TRPM6: variants seen among roughly 807,000 people sequenced by gnomAD.
TRPM6 encodes the protein transient receptor potential cation channel subfamily M member 6, also known as channel kinase 2.
Under a neutral mutation model 247.6 loss-of-function variants are expected in TRPM6, and 111 were observed. The observed-to-expected ratio is 0.45, with a 90% CI of 0.38 to 0.52. The LOEUF is 0.52. TRPM6 is among the 20% of genes least tolerant of loss of function. The pLI, the probability that TRPM6 is intolerant of heterozygous loss-of-function variation, is 0.00. For missense variants in TRPM6, 2,126 were observed against 2,421.5 expected (o/e 0.88, Z 2.56); for synonymous variants, 892 against 853.8 (o/e 1.04, Z -0.78).
At position 74,742,337 on chromosome 9, in the gene TRPM6, G is replaced by A. The variant is rs572463241; in HGVS notation, c.5200+224C>T. ...CAATATTATTGCTTTCTTCCCAACT[G>A]CTGCTCATTATAGGTCTTATTCCCA... On this transcript the variant is annotated intron_variant, in intron 33 of 38. Transcript: ENST00000360774. Among the ~76,000 whole-genome samples the A allele has an allele frequency of 7.2e-5, 11 of 152,222 alleles. No homozygotes were observed. In the East Asian group the frequency reaches 1.9e-3, roughly 27 times the overall value.
chr9:74,780,405 G>A (rs1827392954), intron 23 of TRPM6, among the ~76,000 whole-genome samples: 1 of 151,358 alleles, frequency 6.6e-6, no homozygotes, highest in Admixed American at 6.6e-5. Flanking sequence ...AGTGAGCTGA[G>A]ATCGTGCCAT....
chr9:74,734,273 G>C (rs1216970746), intron 36 of TRPM6, among the ~76,000 whole-genome samples: 1 of 152,110 alleles, frequency 6.6e-6, no homozygotes. Context: ...CTTGTGGGAA[G>C]ATTATTTTAA....
chr9:74,839,097 C>T (rs1197173359), intron 5 of TRPM6, among the ~76,000 whole-genome samples: 4 of 134,548 alleles, frequency 3.0e-5, no homozygotes, highest in Non-Finnish European at 4.6e-5. Context: ...GTGACAAGAG[C>T]GAGACTTCAT....
intron 25 of TRPM6, among the ~76,000 whole-genome samples, chr9:74,769,116 C>G (rs1224344024): frequency 6.6e-6 from 1 of 152,168 alleles, no homozygotes. Flanking sequence ...TTAATCCTCA[C>G]AGCATCTCTA....
chr9:74,840,311 C>G, intron 4 of TRPM6, 74 bp from the exon 5 acceptor site: 1 of 1,103,912 alleles, frequency 9.1e-7, no homozygotes, highest in Non-Finnish European at 1.4e-6. Flanking sequence ...AATGAGCACA[C>G]AGCAGGGCAA....
intron 1 of TRPM6, among the ~76,000 whole-genome samples, chr9:74,881,823 C>A (rs1234853525): frequency 6.6e-6 from 1 of 152,056 alleles, no homozygotes; most frequent in African/African-American, 2.4e-5. Context: ...GCTATAGTAA[C>A]CAAAACAGCA....
chr9:74,881,930 A>T (rs1163105624), intron 1 of TRPM6, among the ~76,000 whole-genome samples: 1 of 152,210 alleles, frequency 6.6e-6, no homozygotes, highest in Non-Finnish European at 1.5e-5. Context: ...TGACAAAGGC[A>T]TCAAGAACAT....
rs1828347112 is a variant in TRPM6, at chr9:74,801,766, T to C, written c.2009+132A>G. On this transcript the variant is annotated intron_variant, in intron 16 of 38. Transcript: ENST00000360774. ...TCCTTAGAATACCTGAAGACCCTTT[T>C]AACAGGAGAGTCCATAAAATGCATG... 3 of 1,141,782 alleles carry C rather than the reference T, an allele frequency of 2.6e-6. No individual in the cohort carries two copies. The East Asian group carries it at 7.4e-5, about 28-fold the overall frequency. 70.7% of individuals were successfully genotyped at this position (1,141,782 alleles called of 1,614,324 possible). A position where few individuals can be genotyped will look rare whatever the true frequency, so the allele number is the denominator to read the frequency against.
intron 17 of TRPM6, among the ~76,000 whole-genome samples, chr9:74,797,501 T>C (rs1009238160): frequency 6.6e-6 from 1 of 152,228 alleles, no homozygotes; most frequent in African/African-American, 2.4e-5. Context: ...TAAATAGTTG[T>C]ACTATATTGA....
At position 74,758,104 on chromosome 9, in the gene TRPM6, C is replaced by T. The variant is rs761326187; in HGVS notation, c.4786-2631G>A. 6.6e-4 allele frequency among the ~76,000 whole-genome samples: 101 copies of T among 152,190 alleles called. 3 individuals carry two copies. The highest frequency in any genetic ancestry group is 1.8e-4 in the Non-Finnish European group (12 of 67,996). On this transcript the variant is annotated intron_variant, in intron 27 of 38. Transcript: ENST00000360774. The stretch of plus-strand genomic sequence containing the variant: ...AAAAAAGCTCATTCAAGAAGAATTA[C>T]ATAACCTAAATAGCTCTATATCTAT...
chr9:74,854,456 A>G (rs2118330088), intron 3 of TRPM6, among the ~76,000 whole-genome samples: 1 of 152,280 alleles, frequency 6.6e-6, no homozygotes, highest in South Asian at 2.1e-4. Flanking sequence ...TACTTTCAGT[A>G]GCAAACACCG....
rs552083968 is a variant in TRPM6 at position 74,779,472 on chromosome 9, T to A, written c.3209+2890A>T. ...AACAACACAGCAGTCACTTTTTTTT[T>A]AAAAGAATTTTGATTTACTTTGCTG... On this transcript the variant is annotated intron_variant, in intron 23 of 38. Transcript: ENST00000360774. Among the ~76,000 whole-genome samples, 65 of 152,320 alleles carry A rather than the reference T, an allele frequency of 4.3e-4. 1 individual carries two copies. The highest frequency in any genetic ancestry group is 3.9e-3 in the South Asian group (19 of 4,822).
intron 16 of TRPM6, among the ~76,000 whole-genome samples, chr9:74,800,906 T>TG (rs1308660505): frequency 6.3e-5 from 9 of 143,672 alleles, no homozygotes; most frequent in East Asian, 4.1e-4. Flanking sequence ...TAAAGTGTGT[T>TG]TTTTTTTTTT....
chr9:74,844,394 T>C (rs1830042876), intron 3 of TRPM6, among the ~76,000 whole-genome samples: 1 of 152,246 alleles, frequency 6.6e-6, no homozygotes, highest in African/African-American at 2.4e-5. Flanking sequence ...ACCTCATCAA[T>C]AATCTTAGCT....
At chr9:74,812,850 A>C (rs1415956468) in intron 11 of TRPM6, among the ~76,000 whole-genome samples, 1 of 152,222 alleles carries the variant, frequency 6.6e-6, no homozygotes, top group East Asian at 1.9e-4. Flanking sequence ...TGAATGCATC[A>C]CTACACTCCA....
rs946952650 is a variant in TRPM6 at position 74,736,964 on chromosome 9, TTG to T, written c.5776+1441_5776+1442del. On this transcript the variant is annotated intron_variant, in intron 36 of 38. Coordinates refer to ENST00000360774, the MANE Select transcript of TRPM6 (RefSeq NM_017662.5). Reference sequence around the variant, plus strand: ...AAAGTTTTTCTTTCGTTGTTTTTTTTTGTGTGTGTGTTTCTGTTTTTCCTTTT... The same window carrying T: ...AAAGTTTTTCTTTCGTTGTTTTTTTTTGTGTGTGTTTCTGTTTTTCCTTTT... 2.0e-5 allele frequency among the ~76,000 whole-genome samples: 3 copies of T among 152,188 alleles called. No individual in the cohort carries two copies. The East Asian group carries it at 5.8e-4, about 29-fold the overall frequency.
At chr9:74,741,445 A>G (rs533553487) in intron 33 of TRPM6, among the ~76,000 whole-genome samples, 32 of 152,244 alleles carry the variant, frequency 2.1e-4, no homozygotes, top group African/African-American at 7.7e-4. Context: ...GCTCAGTAAC[A>G]ACTTTTCAAA....
chr9:74,734,512 T>C (rs980688982), intron 36 of TRPM6, among the ~76,000 whole-genome samples: 5 of 152,130 alleles, frequency 3.3e-5, no homozygotes, highest in Non-Finnish European at 7.4e-5. Flanking sequence ...TCCCTTAATC[T>C]CTTTGAACCT....
intron 1 of TRPM6, among the ~76,000 whole-genome samples, chr9:74,860,636 G>A (rs1443657901): frequency 6.6e-6 from 1 of 152,134 alleles, no homozygotes. Context: ...TGGGATAACA[G>A]GCATGAGCCA....
Sources: allele counts gnomAD v4.1 joint callset (sites outside exome capture counted in the v4.1 genomes callset), GRCh38; gene constraint gnomAD v4.1.1; transcripts MANE v1.5; gene names NCBI Gene and HGNC (gene_info 2026-07-23, HGNC 2026-07-21).